Variants in PCDH9 observed in about 807,000 individuals in gnomAD.
PCDH9 encodes the protein protocadherin 9.
PCDH9 carries 24 observed loss-of-function variants against 70.6 expected under a neutral mutation model. That is an observed-to-expected ratio of 0.34 (90% CI 0.25 to 0.48). The LOEUF (loss-of-function observed/expected upper bound fraction) is 0.48. Ranked by LOEUF, PCDH9 falls within the 20% of genes least tolerant of loss-of-function variation. The pLI, the probability that PCDH9 is intolerant of heterozygous loss-of-function variation, is 0.99. For synonymous variants in PCDH9, 562 were observed against 558.5 expected (o/e 1.01, Z -0.09); for missense variants, 1,281 against 1,503.6 (o/e 0.85, Z 2.45).
intron 3 of PCDH9, among the ~76,000 whole-genome samples, chr13:66,664,494 T>G (rs973303391): frequency 6.6e-6 from 1 of 151,658 alleles, no homozygotes; most frequent in Admixed American, 6.6e-5. Context: ...CTACTAAACA[T>G]GAATAAGAAT....
intron 3 of PCDH9, among the ~76,000 whole-genome samples, chr13:66,751,373 C>G (rs2079455957): frequency 6.6e-6 from 1 of 151,924 alleles, no homozygotes; most frequent in Non-Finnish European, 1.5e-5. Flanking sequence ...TTTTTAATGT[C>G]AAGACATAAA....
chr13:66,721,893 C>G (rs1593952204), intron 3 of PCDH9, among the ~76,000 whole-genome samples: 1 of 152,136 alleles, frequency 6.6e-6, no homozygotes, highest in East Asian at 1.9e-4. Flanking sequence ...CTCATATCTC[C>G]CAGAACCTCC....
intron 3 of PCDH9, among the ~76,000 whole-genome samples, chr13:66,886,620 T>C (rs950627183): frequency 3.9e-5 from 6 of 152,150 alleles, no homozygotes; most frequent in Non-Finnish European, 8.8e-5. Context: ...CATTTCTGTA[T>C]ACTCCCTCAT....
intron 3 of PCDH9, among the ~76,000 whole-genome samples, chr13:66,887,546 T>A (rs2082028067): frequency 6.6e-6 from 1 of 152,334 alleles, no homozygotes; most frequent in South Asian, 2.1e-4. Context: ...AGTGCCCTCA[T>A]AAACAGCATG....
chr13:66,737,767 C>T (rs977903732), intron 3 of PCDH9, among the ~76,000 whole-genome samples: 32 of 152,182 alleles, frequency 2.1e-4, no homozygotes, highest in Admixed American at 2.6e-4. Flanking sequence ...CACTCCCACC[C>T]GAATATTGCG....
intron 3 of PCDH9, among the ~76,000 whole-genome samples, chr13:66,756,761 G>T (rs2079543740): frequency 6.6e-6 from 1 of 152,112 alleles, no homozygotes; most frequent in African/African-American, 2.4e-5. Flanking sequence ...TGTAGCTGGG[G>T]ATTGCTGCTC....
chr13:66,831,800 C>A (rs1383806275), intron 3 of PCDH9, among the ~76,000 whole-genome samples: 4 of 151,854 alleles, frequency 2.6e-5, no homozygotes, highest in Admixed American at 2.0e-4. Context: ...TAGTGGGGAG[C>A]ATTTAAGTAT....
At chr13:66,461,755 A>G (rs1958429445) in intron 4 of PCDH9, among the ~76,000 whole-genome samples, 2 of 151,908 alleles carry the variant, frequency 1.3e-5, no homozygotes, top group Admixed American at 6.6e-5. Context: ...CTTTAGACAC[A>G]ATATCAATTG....
intron 4 of PCDH9, among the ~76,000 whole-genome samples, chr13:66,519,511 A>G (rs1371048165): frequency 2.0e-5 from 3 of 152,062 alleles, no homozygotes; most frequent in African/African-American, 7.2e-5. Context: ...AGAGCTTCTG[A>G]GTCTCAACTT....
At chr13:66,345,477 AG>A (rs1394216888) in intron 4 of PCDH9, among the ~76,000 whole-genome samples, 4 of 152,176 alleles carry the variant, frequency 2.6e-5, no homozygotes, top group Admixed American at 6.5e-5. Context: ...GAGCTATCAA[AG>A]GCATTTCCAC....
intron 2 of PCDH9, among the ~76,000 whole-genome samples, chr13:66,965,368 T>A (rs1445065133): frequency 6.6e-6 from 1 of 152,084 alleles, no homozygotes; most frequent in South Asian, 2.1e-4. Context: ...ATTTCCTTCC[T>A]CCAGGCATTT....
chr13:67,112,000 G>A (rs2086667829), intron 2 of PCDH9, among the ~76,000 whole-genome samples: 1 of 152,246 alleles, frequency 6.6e-6, no homozygotes, highest in Admixed American at 6.5e-5. Flanking sequence ...CACCTTATCA[G>A]TAAGCGCATT....
In PCDH9 at chr13:66,662,374, TA is replaced by T. The variant is rs1446199696; in HGVS notation, c.3139-30964del. On this transcript the variant is annotated intron_variant, in intron 3 of 4. Transcript: ENST00000377865. ...TGTAATCCCAGCTACTTGGGAGACTTAGGCAGGAGAATTGTTTGAACTTGGG... is the reference window on the plus strand; with the variant it reads ...TGTAATCCCAGCTACTTGGGAGACTTGGCAGGAGAATTGTTTGAACTTGGG... Among the ~76,000 whole-genome samples the T allele has an allele frequency of 2.0e-5, 3 of 151,842 alleles. No individual in the cohort carries two copies. In the East Asian group the frequency reaches 5.8e-4, roughly 29 times the overall value.
chr13:66,767,674 T>C (rs1345821258), intron 3 of PCDH9, among the ~76,000 whole-genome samples: 3 of 152,002 alleles, frequency 2.0e-5, no homozygotes. Context: ...CACACTAGAG[T>C]GTGGAATTCA....
At chr13:66,640,475 C>T (rs993102242) in intron 3 of PCDH9, among the ~76,000 whole-genome samples, 1 of 151,926 alleles carries the variant, frequency 6.6e-6, no homozygotes, top group East Asian at 1.9e-4. Flanking sequence ...AATAATTAAC[C>T]TCAGACTATG....
chr13:67,176,235 A>T (rs1196971047), intron 2 of PCDH9, among the ~76,000 whole-genome samples: 1 of 152,192 alleles, frequency 6.6e-6, no homozygotes, highest in Admixed American at 6.5e-5. Context: ...AAGAGCGGTG[A>T]TGCAGAGAAA....
At chr13:66,783,143 T>C (rs939217099) in intron 3 of PCDH9, among the ~76,000 whole-genome samples, 1 of 152,148 alleles carries the variant, frequency 6.6e-6, no homozygotes, top group African/African-American at 2.4e-5. Flanking sequence ...GACTCCTCAC[T>C]GTTTTAGTCC....
At position 67,218,143 on chromosome 13, in the gene PCDH9, C is replaced by T. The variant is rs531696362; in HGVS notation, c.3036+7262G>A. 6 of 152,100 alleles carry T rather than the reference C, an allele frequency of 3.9e-5. No homozygotes were observed. The South Asian group carries it at 1.0e-3, about 26-fold the overall frequency. The allele number at this position is 152,100 out of a possible 1,614,324, so 9.4% of individuals were successfully genotyped here. On this transcript the variant is annotated intron_variant, in intron 2 of 4. Coordinates refer to ENST00000377865, the MANE Select transcript of PCDH9 (RefSeq NM_203487.3). ...CTCTACTTTGCAAATCTTTAAAACC[C>T]CACTTAATTTTCAGCACTGATTTCC...
At chr13:67,064,888 G>A (rs1310088447) in intron 2 of PCDH9, among the ~76,000 whole-genome samples, 1 of 139,502 alleles carries the variant, frequency 7.2e-6, no homozygotes, top group Non-Finnish European at 1.6e-5. Flanking sequence ...CTGCCTGTGT[G>A]GAAATAGATA....
Sources: gnomAD v4.1 joint callset for allele counts (sites outside exome capture counted in the v4.1 genomes callset) on GRCh38, gnomAD v4.1.1 for gene constraint, MANE v1.5 for transcripts, NCBI Gene and HGNC (gene_info 2026-07-23, HGNC 2026-07-21) for gene names.